SMAD5: variants seen among roughly 807,000 people sequenced by gnomAD.
SMAD5 encodes the protein MAD, mothers against decapentaplegic homolog 5.
Under a neutral mutation model 43.1 loss-of-function variants are expected in SMAD5, and 9 were observed. That is an observed-to-expected ratio of 0.21 (90% CI 0.13 to 0.36). SMAD5 has a LOEUF of 0.36. Ranked by LOEUF, SMAD5 falls within the 10% of genes least tolerant of loss-of-function variation. The pLI is 1.00. For synonymous variants in SMAD5, 190 were observed against 192.4 expected (o/e 0.99, Z 0.10); for missense variants, 348 against 574.0 (o/e 0.61, Z 4.02).
chr5:136,165,367 G>A (rs1456486873), intron 5 of SMAD5, among the ~76,000 whole-genome samples: 1 of 150,210 alleles, frequency 6.7e-6, no homozygotes, highest in Non-Finnish European at 1.5e-5. Context: ...GGCTGGCCCT[G>A]TTTTTTTTTG....
intron 2 of SMAD5, among the ~76,000 whole-genome samples, chr5:136,150,269 C>T (rs1359090792): frequency 6.6e-6 from 1 of 151,798 alleles, no homozygotes; most frequent in East Asian, 1.9e-4. Flanking sequence ...ACCATTTCTA[C>T]TGACAAAGCT....
intron 2 of SMAD5, among the ~76,000 whole-genome samples, chr5:136,150,624 A>G (rs1236337792): frequency 1.3e-5 from 2 of 151,982 alleles, no homozygotes; most frequent in Non-Finnish European, 2.9e-5. Context: ...CATCATTAAG[A>G]ATGACTAAGA....
intron 2 of SMAD5, among the ~76,000 whole-genome samples, chr5:136,150,036 C>T (rs1753401040): frequency 6.6e-6 from 1 of 151,810 alleles, no homozygotes; most frequent in Non-Finnish European, 1.5e-5. Context: ...ACCATTGTAT[C>T]TAGTTCTGTC....
Position 136,180,160 on chromosome 5 carries a change from C to G in SMAD5, c.*2680C>G, listed in dbSNP as rs1200845458. ...TTCAGTCCAGCTATTCTTACAGTCC[C>G]TAAGGATTTTCATATATCTATGTAT... On this transcript the variant is annotated 3_prime_UTR_variant, in exon 8 of 8. Transcript: ENST00000545279. 1.3e-5 allele frequency: 2 copies of G among 152,088 alleles called. No homozygotes were observed. Among genetic ancestry groups the G allele is most frequent in the African/African-American group, 4.8e-5 (2 of 41,412 alleles). 9.4% of individuals were successfully genotyped at this position (152,088 alleles called of 1,614,324 possible). A position where few individuals can be genotyped will look rare whatever the true frequency, so the allele number is the denominator to read the frequency against.
Position 136,163,280 on chromosome 5 carries a change from CCTCCTCCTGCCTATATGCCA to C in SMAD5, c.666_685del (p.Pro223Ter). 6.2e-7 allele frequency: 1 copy of C among 1,606,706 alleles called. No homozygotes were observed. The highest frequency in any genetic ancestry group is 8.5e-7 in the Non-Finnish European group (1 of 1,176,472). On this transcript the variant is annotated frameshift_variant, in exon 5 of 8. Coordinates refer to ENST00000545279, the MANE Select transcript of SMAD5 (RefSeq NM_005903.7). LOFTEE classifies it high-confidence loss of function. ...ATTTTTTTTCCTCTTAGCTGATACG[CCTCCTCCTGCCTATATGCCA>C]CCTGATGATCAGATGGGTCAAGATA...
chr5:136,177,016 C>G (rs1163318874), intron 7 of SMAD5, among the ~76,000 whole-genome samples: 3 of 152,056 alleles, frequency 2.0e-5, no homozygotes. Context: ...TATCTCAGAT[C>G]AGAAATATTT....
chr5:136,179,311 G>A lies in SMAD5; in HGVS notation c.*1831G>A, dbSNP rs1481229513. 2 of 152,326 alleles carry A rather than the reference G, an allele frequency of 1.3e-5. No homozygotes were observed. The allele number at this position is 152,326 out of a possible 1,614,324, so 9.4% of individuals were successfully genotyped here. Reference sequence around the variant, plus strand: ...GGACACTTAATTATGACATGAGAATGAAGAAATTATTTTGGAAAAAAAAAA... The same window carrying A: ...GGACACTTAATTATGACATGAGAATAAAGAAATTATTTTGGAAAAAAAAAA... On this transcript the variant is annotated 3_prime_UTR_variant, in exon 8 of 8. Coordinates refer to ENST00000545279, the MANE Select transcript of SMAD5 (RefSeq NM_005903.7).
Position 136,174,536 on chromosome 5 carries a change from G to A in SMAD5, c.1158G>A (p.Gln386=). The change falls in exon 7 of 8, where the codon CAG becomes CAA. Residue 386 remains glutamine, a synonymous_variant. Transcript: ENST00000545279. ...SSCSLKIFNN[Q]EFAQLLAQSV... Reference sequence around the variant, plus strand: ...GCAGCCTCAAAATTTTTAACAATCAGGAGTTTGCTCAGCTTCTGGCTCAAT... The same window carrying A: ...GCAGCCTCAAAATTTTTAACAATCAAGAGTTTGCTCAGCTTCTGGCTCAAT... The A allele has an allele frequency of 1.9e-6, 3 of 1,613,830 alleles. No homozygotes were observed. The highest frequency in any genetic ancestry group is 1.7e-6 in the Non-Finnish European group (2 of 1,179,780).
intron 1 of SMAD5, chr5:136,134,551 A>C (rs953331597): frequency 2.0e-5 from 3 of 152,206 alleles, no homozygotes; most frequent in Non-Finnish European, 2.9e-5. Flanking sequence ...TAGTGTTCCA[A>C]ATTTAAGGAG....
chr5:136,151,462 C>T lies in SMAD5; in HGVS notation c.-169-2130C>T, dbSNP rs1389403327. Among the ~76,000 whole-genome samples the T allele has an allele frequency of 2.0e-5, 3 of 151,948 alleles. No individual in the cohort carries two copies. In the East Asian group the frequency reaches 5.8e-4, roughly 29 times the overall value. Reference sequence around the variant, plus strand: ...AATTTAGGGGAGAGAACATCAGATGCAAAGACCTCACATAGAAATAACCTT... The same window carrying T: ...AATTTAGGGGAGAGAACATCAGATGTAAAGACCTCACATAGAAATAACCTT... On this transcript the variant is annotated intron_variant, in intron 2 of 7. Transcript: ENST00000545279.
intron 1 of SMAD5, among the ~76,000 whole-genome samples, chr5:136,136,798 C>T (rs1390078843): frequency 3.9e-5 from 6 of 152,084 alleles, no homozygotes; most frequent in East Asian, 1.9e-4. Flanking sequence ...CGGCTTCAAG[C>T]GATTCTCCTG....
intron 7 of SMAD5, among the ~76,000 whole-genome samples, chr5:136,175,198 G>C (rs1040314025): frequency 1.3e-5 from 2 of 152,166 alleles, no homozygotes; most frequent in African/African-American, 4.8e-5. Flanking sequence ...CCATGATTCA[G>C]TTATCTCCCA....
In SMAD5 at chr5:136,161,073, A is replaced by G; in HGVS notation, c.621A>G (p.Ala207=). 2 of 1,613,814 alleles carry G rather than the reference A, an allele frequency of 1.2e-6. No homozygotes were observed. Among genetic ancestry groups the G allele is most frequent in the Non-Finnish European group, 1.7e-6 (2 of 1,179,850 alleles). ...PASSTYPNSP[A]SSGPGSPFQL... The stretch of plus-strand genomic sequence containing the variant: ...GCAGCACATATCCCAACTCCCCAGC[A>G]AGTTCTGGACCAGGAAGTCCATTTC... The change falls in exon 4 of 8, where the codon GCA becomes GCG. Residue 207 remains alanine, a synonymous_variant. Coordinates refer to ENST00000545279, the MANE Select transcript of SMAD5 (RefSeq NM_005903.7).
At chr5:136,137,218 T>C (rs1752914678) in intron 1 of SMAD5, among the ~76,000 whole-genome samples, 1 of 151,966 alleles carries the variant, frequency 6.6e-6, no homozygotes. Flanking sequence ...TTTTGGAAGC[T>C]AGTTATTAAC....
In SMAD5 at chr5:136,174,358, G is replaced by A; in HGVS notation, c.998-18G>A. On this transcript the variant is annotated intron_variant, in intron 6 of 7. Transcript: ENST00000545279. ...AATGATTCTTTTAGCTGACTCTTGT[G>A]ATGTTTGTCTTTTTAAGGTGTTCAT... The A allele has an allele frequency of 6.2e-7, 1 of 1,608,146 alleles. No homozygotes were observed. Among genetic ancestry groups the A allele is most frequent in the South Asian group, 1.1e-5 (1 of 90,952 alleles).
rs61739866 is a variant in SMAD5 at position 136,161,063 on chromosome 5, A to G, written c.611A>G (p.Asn204Ser). 5 of 1,611,952 alleles carry G rather than the reference A, an allele frequency of 3.1e-6. No homozygotes were observed. Among genetic ancestry groups the G allele is most frequent in the African/African-American group, 2.7e-5 (2 of 74,282 alleles). The change falls in exon 4 of 8, where the codon AAC becomes AGC. Residue 204 changes from asparagine (N) to serine (S), a missense_variant. Physicochemically the swap from Asn to Ser is conservative, Grantham distance 46. Around this residue, in one of 5 missense-constraint regions of SMAD5, gnomAD observed 185 missense variants for 207.0 expected, o/e 0.89. Transcript: ENST00000545279. Reference protein sequence around the residue: ...PPSPASSTYPNSPASSGPGSP... With the variant: ...PPSPASSTYPSSPASSGPGSP... ...TCTCCTGCTAGCAGCACATATCCCAACTCCCCAGCAAGTTCTGGACCAGGA... is the reference window on the plus strand; with the variant it reads ...TCTCCTGCTAGCAGCACATATCCCAGCTCCCCAGCAAGTTCTGGACCAGGA...
chr5:136,160,999 A>T lies in SMAD5; in HGVS notation c.547A>T (p.Thr183Ser). 6.2e-7 allele frequency: 1 copy of T among 1,612,168 alleles called. No homozygotes were observed. The highest frequency in any genetic ancestry group is 8.5e-7 in the Non-Finnish European group (1 of 1,179,434). ...AGATTCTTTCCACCAGCCCAACAACACTCCTTTTCCCTTATCTCCAAACAG... is the reference window on the plus strand; with the variant it reads ...AGATTCTTTCCACCAGCCCAACAACTCTCCTTTTCCCTTATCTCCAAACAG... ...FPDSFHQPNN[T>S]PFPLSPNSPY... is the part of the protein sequence containing the mutation. The change falls in exon 4 of 8, where the codon ACT (threonine) becomes TCT (serine). Residue 183 changes from threonine to serine, a missense_variant. By Grantham distance (58) the Thr-to-Ser change is moderately conservative (BLOSUM62 1). Transcript: ENST00000545279.
At chr5:136,151,804 A>G in intron 2 of SMAD5, among the ~76,000 whole-genome samples, 1 of 151,848 alleles carries the variant, frequency 6.6e-6, no homozygotes, top group East Asian at 1.9e-4. Flanking sequence ...CTATATATAT[A>G]TTTTTTTGTT....
intron 2 of SMAD5, among the ~76,000 whole-genome samples, chr5:136,148,601 C>G (rs944790829): frequency 1.3e-5 from 2 of 151,748 alleles, no homozygotes; most frequent in Non-Finnish European, 3.0e-5. Context: ...CAAATAATGT[C>G]AATGCTTATG....
Sources: gnomAD v4.1 joint callset for allele counts (sites outside exome capture counted in the v4.1 genomes callset) on GRCh38, gnomAD v4.1.1 for gene constraint, gnomAD v4.1.1 regional missense constraint, MANE v1.5 for transcripts, NCBI Gene and HGNC (gene_info 2026-07-23, HGNC 2026-07-21) for gene names.